Variants in TTC28 observed in about 807,000 individuals in gnomAD.
TTC28 encodes the protein tetratricopeptide repeat protein 28.
TTC28 carries 61 observed loss-of-function variants against 198.0 expected under a neutral mutation model. The ratio of observed to expected loss-of-function variants is 0.31; its 90% confidence interval spans 0.25 to 0.38. The LOEUF (loss-of-function observed/expected upper bound fraction) is 0.38. TTC28 is among the 10% of genes least tolerant of loss of function. The pLI is 1.00. For synonymous variants in TTC28, 1,171 were observed against 1,297.8 expected, an observed-to-expected ratio of 0.90 and a Z score of 2.10; for missense variants, 2,678 against 3,164.0, an observed-to-expected ratio of 0.85 and a Z score of 3.69.
chr22:28,674,332 T>C (rs2044011664), intron 1 of TTC28, among the ~76,000 whole-genome samples: 1 of 150,828 alleles, frequency 6.6e-6, no homozygotes, highest in South Asian at 2.1e-4. Flanking sequence ...TTGATTGGGT[T>C]TGTCTGTTTT....
intron 2 of TTC28, among the ~76,000 whole-genome samples, chr22:28,553,913 C>A (rs1369218485): frequency 6.6e-6 from 1 of 152,106 alleles, no homozygotes; most frequent in East Asian, 1.9e-4. Context: ...ATGACAGTGG[C>A]AGTTTTGTGG....
chr22:28,351,185 G>T (rs945152968), intron 2 of TTC28, among the ~76,000 whole-genome samples: 7 of 144,024 alleles, frequency 4.9e-5, no homozygotes, highest in African/African-American at 1.8e-4. Flanking sequence ...CTGTCTCAAA[G>T]AAAAAAAAAA....
chr22:28,339,767 C>T (rs757994260), intron 2 of TTC28, among the ~76,000 whole-genome samples: 4 of 152,064 alleles, frequency 2.6e-5, no homozygotes, highest in Non-Finnish European at 4.4e-5. Flanking sequence ...GGGAGTGACC[C>T]GATTTTCCAG....
chr22:28,199,383 TTATA>T (rs34398046), intron 5 of TTC28, among the ~76,000 whole-genome samples: 4,192 of 118,154 alleles, frequency 0.035, 79 homozygotes, highest in African/African-American at 0.055. Context: ...ACATTAAAAA[TTATA>T]TATATATATA....
At chr22:28,031,963 T>C (rs1939099482) in intron 12 of TTC28, among the ~76,000 whole-genome samples, 1 of 151,706 alleles carries the variant, frequency 6.6e-6, no homozygotes, top group Non-Finnish European at 1.5e-5. Flanking sequence ...ACCTAAGGCA[T>C]CAATCTTTTG....
At chr22:28,640,491 T>C (rs961302132) in intron 1 of TTC28, among the ~76,000 whole-genome samples, 2 of 151,794 alleles carry the variant, frequency 1.3e-5, no homozygotes, top group South Asian at 4.2e-4. Flanking sequence ...ATTGAACCCA[T>C]AGCTTTCAGA....
intron 2 of TTC28, among the ~76,000 whole-genome samples, chr22:28,554,158 A>G (rs1179762550): frequency 6.6e-6 from 1 of 152,100 alleles, no homozygotes; most frequent in East Asian, 1.9e-4. Flanking sequence ...GCTTTGTTAA[A>G]CAGATGCTTG....
chr22:28,012,057 T>C (rs1197129543), intron 14 of TTC28, among the ~76,000 whole-genome samples: 2 of 152,104 alleles, frequency 1.3e-5, no homozygotes, highest in Non-Finnish European at 2.9e-5. Context: ...CGGGGATCCC[T>C]GGGAAATGCA....
At position 28,107,078 on chromosome 22, in the gene TTC28, G is replaced by A; in HGVS notation, c.2767C>T (p.Leu923=). 10 of 1,548,278 alleles carry A rather than the reference G, an allele frequency of 6.5e-6. No individual in the cohort carries two copies. The highest frequency in any genetic ancestry group is 8.7e-6 in the Non-Finnish European group (10 of 1,144,258). The change falls in exon 7 of 23, where the codon CTG becomes TTG. Residue 923 remains leucine, a synonymous_variant. Transcript: ENST00000397906. ...MQDQAKAYRG[L]GNGHRAMGSL... ...CATTTTTACCTGTGTCCATTTCCCA[G>A]GCCCCGGTAAGCCTTGGCTTGGTCT...
At chr22:28,177,275 A>G (rs1264143887) in intron 5 of TTC28, among the ~76,000 whole-genome samples, 2 of 152,250 alleles carry the variant, frequency 1.3e-5, no homozygotes, top group East Asian at 3.8e-4. Context: ...ATATGTCATT[A>G]GGGAATGGCA....
At chr22:28,582,585 C>T (rs577763488) in intron 2 of TTC28, among the ~76,000 whole-genome samples, 2 of 152,044 alleles carry the variant, frequency 1.3e-5, no homozygotes, top group East Asian at 3.9e-4. Context: ...TCAGGGTAAC[C>T]TAACATGACT....
At chr22:28,279,980 C>T (rs1041759839) in intron 5 of TTC28, among the ~76,000 whole-genome samples, 1 of 152,176 alleles carries the variant, frequency 6.6e-6, no homozygotes, top group Non-Finnish European at 1.5e-5. Flanking sequence ...GTTTTTACAT[C>T]CATTCTTCCA....
intron 2 of TTC28, among the ~76,000 whole-genome samples, chr22:28,407,325 G>C (rs2047012230): frequency 6.6e-6 from 1 of 152,118 alleles, no homozygotes; most frequent in African/African-American, 2.4e-5. Context: ...AACTTCCAAG[G>C]CTTATGGTAT....
At chr22:28,352,596 T>C (rs1377207672) in intron 2 of TTC28, among the ~76,000 whole-genome samples, 1 of 152,072 alleles carries the variant, frequency 6.6e-6, no homozygotes, top group East Asian at 1.9e-4. Flanking sequence ...AGTCAGTCAT[T>C]AGCCTCAACC....
chr22:28,319,873 A>G (rs940577820), intron 2 of TTC28, among the ~76,000 whole-genome samples: 4 of 152,184 alleles, frequency 2.6e-5, no homozygotes, highest in African/African-American at 9.6e-5. Flanking sequence ...CAGAGTGCCC[A>G]TATCTCAGTG....
intron 12 of TTC28, among the ~76,000 whole-genome samples, chr22:28,083,821 C>A (rs773502097): frequency 6.6e-6 from 1 of 152,250 alleles, no homozygotes; most frequent in African/African-American, 2.4e-5. Context: ...CCTCATACTG[C>A]GCTCTTCCAA....
chr22:28,634,109 T>C (rs902084079), intron 1 of TTC28, among the ~76,000 whole-genome samples: 1 of 152,108 alleles, frequency 6.6e-6, no homozygotes, highest in Admixed American at 6.6e-5. Context: ...TGTTCACAAA[T>C]TTAAAAGAAA....
intron 2 of TTC28, among the ~76,000 whole-genome samples, chr22:28,596,105 C>T (rs986823397): frequency 2.6e-5 from 4 of 152,084 alleles, no homozygotes; most frequent in Non-Finnish European, 5.9e-5. Context: ...AATGATGTGA[C>T]TAAAGATGGC....
At chr22:28,659,426 G>A (rs1056752408) in intron 1 of TTC28, among the ~76,000 whole-genome samples, 2 of 151,966 alleles carry the variant, frequency 1.3e-5, no homozygotes, top group Admixed American at 6.6e-5. Context: ...ATGCCACCAC[G>A]TCCAGCTAAT....
Sources: allele counts gnomAD v4.1 joint callset (sites outside exome capture counted in the v4.1 genomes callset), GRCh38; gene constraint gnomAD v4.1.1; transcripts MANE v1.5; gene names NCBI Gene and HGNC (gene_info 2026-07-23, HGNC 2026-07-21).